The following GLRA2 variants were observed in gnomAD, a reference collection of about 807,000 sequenced individuals.
GLRA2 encodes the protein glycine receptor subunit alpha-2.
GLRA2 carries 11 observed loss-of-function variants against 31.6 expected under a neutral mutation model. That is an observed-to-expected ratio of 0.35 (90% CI 0.22 to 0.58). GLRA2 has a LOEUF of 0.58. GLRA2 is among the 20% of genes least tolerant of loss of function. The pLI is 0.84. For synonymous variants in GLRA2, 132 were observed against 134.0 expected (o/e 0.99, Z 0.10); for missense variants, 212 against 351.8 (o/e 0.60, Z 3.18).
At chrX:14,497,149 G>A in the GLRA2 span, among the ~76,000 whole-genome samples, 1 of 111,496 alleles carries the variant, frequency 9.0e-6, no homozygotes, top group East Asian at 2.8e-4. Flanking sequence ...TAAAGTATAG[G>A]CTGCTTGCTC....
chrX:14,719,628 T>C (rs1379326675), intron 8 of GLRA2, among the ~76,000 whole-genome samples: 1 of 111,958 alleles, frequency 8.9e-6, no homozygotes, highest in Non-Finnish European at 1.9e-5. Flanking sequence ...ATACAGCCAT[T>C]ATGGAAAACA....
the GLRA2 span, among the ~76,000 whole-genome samples, chrX:14,509,097 T>A: frequency 8.9e-6 from 1 of 112,254 alleles, no homozygotes; most frequent in Non-Finnish European, 1.9e-5. Context: ...AGTTGGATGC[T>A]TTTACTGTGG....
chrX:14,471,699 A>G, the GLRA2 span, among the ~76,000 whole-genome samples: 12 of 112,293 alleles, frequency 1.1e-4, no homozygotes, highest in Non-Finnish European at 1.7e-4. Flanking sequence ...GGATAGCCCA[A>G]TTTTGTCCCA....
intron 7 of GLRA2, among the ~76,000 whole-genome samples, chrX:14,636,539 G>A (rs922911619): frequency 9.0e-6 from 1 of 111,166 alleles, no homozygotes; most frequent in Non-Finnish European, 1.9e-5. Flanking sequence ...GCACTGTTAA[G>A]TTCATCAAAA....
chrX:14,472,093 C>T, the GLRA2 span, among the ~76,000 whole-genome samples: 2 of 112,094 alleles, frequency 1.8e-5, no homozygotes, highest in Non-Finnish European at 3.8e-5. Context: ...TCCTGCCTCA[C>T]CTAACGTAAA....
intron 7 of GLRA2, among the ~76,000 whole-genome samples, chrX:14,669,603 G>T (rs989093658): frequency 1.5e-4 from 17 of 112,025 alleles, no homozygotes; most frequent in Admixed American, 1.9e-4. Flanking sequence ...CCACGTGGAA[G>T]CTGCCAAGGC....
intron 8 of GLRA2, among the ~76,000 whole-genome samples, chrX:14,692,468 G>A (rs998063883): frequency 6.9e-4 from 77 of 111,895 alleles, no homozygotes; most frequent in African/African-American, 2.5e-3. Context: ...GTCAGTGGAT[G>A]GTTTAAGTCC....
chrX:14,525,563 T>C (rs780882912), upstream of GLRA2, among the ~76,000 whole-genome samples: 4 of 111,886 alleles, frequency 3.6e-5, no homozygotes, highest in African/African-American at 9.7e-5. Context: ...TATGTAATTA[T>C]GTAACACTTT....
At chrX:14,538,639 A>G (rs377251741) in intron 2 of GLRA2, among the ~76,000 whole-genome samples, 5 of 111,892 alleles carry the variant, frequency 4.5e-5, no homozygotes, top group East Asian at 5.6e-4. Flanking sequence ...ATCTTTACCC[A>G]TTCAAATCCC....
intron 8 of GLRA2, among the ~76,000 whole-genome samples, chrX:14,715,380 C>G (rs1159328177): frequency 8.9e-6 from 1 of 112,089 alleles, no homozygotes; most frequent in Non-Finnish European, 1.9e-5. Context: ...TTTCATATTA[C>G]CATTCACTTA....
intron 2 of GLRA2, among the ~76,000 whole-genome samples, chrX:14,545,165 G>T (rs1006225511): frequency 2.7e-5 from 3 of 112,068 alleles, no homozygotes; most frequent in Non-Finnish European, 1.9e-5. Flanking sequence ...TGCATTTTGT[G>T]TTGCTATGAC....
the GLRA2 span, among the ~76,000 whole-genome samples, chrX:14,463,956 C>G: frequency 1.8e-5 from 2 of 112,087 alleles, no homozygotes; most frequent in East Asian, 5.6e-4. Flanking sequence ...CTGCATCTAT[C>G]TCACTGGGAG....
intron 3 of GLRA2, 119 bp downstream of exon 3, chrX:14,574,519 T>A (rs766999957): frequency 8.3e-7 from 1 of 1,205,192 alleles, no homozygotes; most frequent in Admixed American, 2.2e-5. Context: ...ACCTGCAACA[T>A]ATTTATCAAC....
the GLRA2 span, among the ~76,000 whole-genome samples, chrX:14,457,348 C>A: frequency 1.8e-4 from 20 of 110,551 alleles, no homozygotes; most frequent in Admixed American, 4.8e-4. Context: ...TATCACTCCC[C>A]TAGCCCCCCA....
At chrX:14,470,207 T>G in the GLRA2 span, among the ~76,000 whole-genome samples, 2 of 111,874 alleles carry the variant, frequency 1.8e-5, no homozygotes, top group African/African-American at 3.2e-5. Flanking sequence ...AATACAAAAG[T>G]TTTCTAATAC....
chrX:14,505,285 GT>G, the GLRA2 span, among the ~76,000 whole-genome samples: 2 of 112,098 alleles, frequency 1.8e-5, no homozygotes. Flanking sequence ...ATACAGAGCT[GT>G]TAGTAAGAAA....
chrX:14,547,867 A>G (rs563482644), intron 2 of GLRA2, among the ~76,000 whole-genome samples: 2 of 111,586 alleles, frequency 1.8e-5, no homozygotes, highest in South Asian at 7.5e-4. Flanking sequence ...TCCATCCTAG[A>G]CTAGTTCAAG....
Position 14,730,306 on chromosome X carries a change from G to A in GLRA2, c.1180G>A (p.Ala394Thr). 2 of 1,209,980 alleles carry A rather than the reference G, an allele frequency of 1.7e-6. No homozygotes were observed. The highest frequency in any genetic ancestry group is 1.8e-5 in the South Asian group (1 of 56,945). Residue 394 changes from alanine to threonine, a missense_variant, in exon 9 of 9, where the codon GCC (alanine) becomes ACC (threonine). Ala to Thr is a moderately conservative substitution (Grantham distance 58). Around this residue, in one of 5 missense-constraint regions of GLRA2, gnomAD observed 42 missense variants for 52.0 expected, o/e 0.81. Coordinates refer to ENST00000218075, the MANE Select transcript of GLRA2 (RefSeq NM_002063.4). Reference sequence around the variant, plus strand: ...TGGAACAGCTGTCAAGGCCACACCTGCCAACCCACTCCCACAACCGCCAAA... The same window carrying A: ...TGGAACAGCTGTCAAGGCCACACCTACCAACCCACTCCCACAACCGCCAAA... ...KDGTAVKATP[A>T]NPLPQPPKDG... is the part of the protein sequence containing the mutation.
At chrX:14,662,029 C>A (rs1318311204) in intron 7 of GLRA2, among the ~76,000 whole-genome samples, 2 of 110,012 alleles carry the variant, frequency 1.8e-5, no homozygotes, top group African/African-American at 6.6e-5. Context: ...AATAAATATA[C>A]TAATATAAAT....
Sources: gnomAD v4.1 joint callset for allele counts (sites outside exome capture counted in the v4.1 genomes callset) on GRCh38, gnomAD v4.1.1 for gene constraint, gnomAD v4.1.1 regional missense constraint, MANE v1.5 for transcripts, NCBI Gene and HGNC (gene_info 2026-07-23, HGNC 2026-07-21) for gene names.